DLG2: variants seen among roughly 807,000 people sequenced by gnomAD.
DLG2 encodes the protein disks large homolog 2.
In DLG2, 45 loss-of-function variants were observed where a neutral mutation model predicts 132.5. That is an observed-to-expected ratio of 0.34 (90% CI 0.27 to 0.44). The LOEUF is 0.44. Among genes scored for constraint, DLG2 ranks in the 20% least tolerant of loss-of-function variants. The pLI is 1.00. For synonymous variants in DLG2, 424 were observed against 419.6 expected, an observed-to-expected ratio of 1.01 and a Z score of -0.13; for missense variants, 1,045 against 1,196.9, an observed-to-expected ratio of 0.87 and a Z score of 1.87.
At chr11:83,783,248 T>C (rs982611628) in intron 18 of DLG2, among the ~76,000 whole-genome samples, 2 of 152,186 alleles carry the variant, frequency 1.3e-5, no homozygotes, top group Non-Finnish European at 2.9e-5. Context: ...AGGATGGATA[T>C]AGCAATGTGG....
At chr11:85,511,341 G>A (rs1310456819) in intron 3 of DLG2, among the ~76,000 whole-genome samples, 2 of 151,848 alleles carry the variant, frequency 1.3e-5, no homozygotes, top group Admixed American at 1.3e-4. Context: ...CCTGCATGTT[G>A]TGCACATGTA....
intron 6 of DLG2, among the ~76,000 whole-genome samples, chr11:84,964,394 C>T (rs2053032455): frequency 6.6e-6 from 1 of 152,002 alleles, no homozygotes; most frequent in African/African-American, 2.4e-5. Flanking sequence ...TACTCATAAA[C>T]AATATTACCA....
chr11:83,670,996 G>T (rs1247550741), intron 18 of DLG2, among the ~76,000 whole-genome samples: 1 of 152,096 alleles, frequency 6.6e-6, no homozygotes, highest in African/African-American at 2.4e-5. Flanking sequence ...ATGTATTTCT[G>T]TGTACACGTA....
At chr11:83,921,186 A>G (rs1172427566) in intron 15 of DLG2, among the ~76,000 whole-genome samples, 1 of 152,146 alleles carries the variant, frequency 6.6e-6, no homozygotes, top group Non-Finnish European at 1.5e-5. Flanking sequence ...TCTGCTGGGT[A>G]GGTAACAAGA....
chr11:84,877,922 C>T (rs2086651214), intron 6 of DLG2, among the ~76,000 whole-genome samples: 1 of 152,040 alleles, frequency 6.6e-6, no homozygotes, highest in African/African-American at 2.4e-5. Context: ...AGACACTTCT[C>T]AAAAGAAGAC....
Position 83,462,097 on chromosome 11 carries a change from G to C in DLG2, c.2730-4C>G. ...TGTTAGACGCTTATTCATCTCCCTG[G>C]GAAAATGAGGGTTTGTATTAGAACA... On this transcript the variant is annotated splice_region_variant and splice_polypyrimidine_tract_variant and intron_variant, in intron 26 of 27. Coordinates refer to ENST00000376104, the MANE Select transcript of DLG2 (RefSeq NM_001142699.3). 6.3e-7 allele frequency: 1 copy of C among 1,581,456 alleles called. No homozygotes were observed.
At chr11:84,011,385 C>T (rs926368193) in intron 11 of DLG2, among the ~76,000 whole-genome samples, 3 of 152,004 alleles carry the variant, frequency 2.0e-5, no homozygotes, top group African/African-American at 7.2e-5. Flanking sequence ...GCTGGAGGAT[C>T]ACTTGAGCCT....
intron 6 of DLG2, among the ~76,000 whole-genome samples, chr11:84,660,453 A>G (rs949020860): frequency 6.6e-6 from 1 of 152,160 alleles, no homozygotes; most frequent in Admixed American, 6.6e-5. Flanking sequence ...CTGCATCACC[A>G]TAATGGTGTG....
intron 6 of DLG2, among the ~76,000 whole-genome samples, chr11:85,017,729 T>C (rs779178209): frequency 6.6e-6 from 1 of 152,164 alleles, no homozygotes; most frequent in Non-Finnish European, 1.5e-5. Flanking sequence ...ACTGGAGATA[T>C]CAGTCAATAC....
At chr11:84,069,283 A>T (rs1382455273) in intron 10 of DLG2, among the ~76,000 whole-genome samples, 5 of 152,188 alleles carry the variant, frequency 3.3e-5, no homozygotes, top group African/African-American at 1.2e-4. Flanking sequence ...ATAAACAGAA[A>T]TACTCAATCT....
chr11:85,009,855 T>C (rs949636109), intron 6 of DLG2, among the ~76,000 whole-genome samples: 1 of 152,130 alleles, frequency 6.6e-6, no homozygotes, highest in African/African-American at 2.4e-5. Context: ...GCTTACCAGA[T>C]TCTGTCTTCC....
chr11:84,578,908 G>A (rs553932532), intron 6 of DLG2, among the ~76,000 whole-genome samples: 1 of 152,224 alleles, frequency 6.6e-6, no homozygotes, highest in African/African-American at 2.4e-5. Flanking sequence ...CCAGGGGGAG[G>A]TAATTGAATC....
intron 6 of DLG2, among the ~76,000 whole-genome samples, chr11:85,012,745 A>G (rs1465325008): frequency 6.6e-6 from 1 of 152,178 alleles, no homozygotes; most frequent in Admixed American, 6.5e-5. Context: ...ATAGGACTCC[A>G]TTTACTAAAA....
chr11:84,867,796 C>A (rs1444000251), intron 6 of DLG2, among the ~76,000 whole-genome samples: 1 of 152,114 alleles, frequency 6.6e-6, no homozygotes, highest in South Asian at 2.1e-4. Flanking sequence ...ATTATGGGGC[C>A]GGACGTGGTG....
chr11:84,378,014 C>T (rs1294492324), intron 7 of DLG2, among the ~76,000 whole-genome samples: 2 of 152,184 alleles, frequency 1.3e-5, no homozygotes, highest in African/African-American at 4.8e-5. Context: ...CATTCTATCA[C>T]TGAAAGGGCC....
intron 11 of DLG2, among the ~76,000 whole-genome samples, chr11:83,985,344 A>AT (rs1322699371): frequency 4.6e-5 from 7 of 150,978 alleles, no homozygotes; most frequent in Admixed American, 2.0e-4. Context: ...TTTTATTTTT[A>AT]TTTTTTTGCC....
At chr11:84,818,670 T>C (rs571215033) in intron 6 of DLG2, among the ~76,000 whole-genome samples, 3 of 152,054 alleles carry the variant, frequency 2.0e-5, no homozygotes, top group East Asian at 3.9e-4. Flanking sequence ...TGCCAAGTTA[T>C]AGAAAGCTCA....
intron 3 of DLG2, among the ~76,000 whole-genome samples, chr11:85,468,090 A>G (rs560944706): frequency 3.3e-5 from 5 of 151,948 alleles, no homozygotes; most frequent in African/African-American, 4.8e-5. Context: ...TTTCTAGTTT[A>G]TTTGTGTAGA....
intron 7 of DLG2, chr11:84,317,164 C>G (rs1319480164): frequency 4.4e-6 from 7 of 1,595,286 alleles, no homozygotes; most frequent in Non-Finnish European, 6.0e-6. Flanking sequence ...GATGCCTACT[C>G]TTTCCTTTGG....
Sources: allele counts gnomAD v4.1 joint callset (sites outside exome capture counted in the v4.1 genomes callset), GRCh38; gene constraint gnomAD v4.1.1; transcripts MANE v1.5; gene names NCBI Gene and HGNC (gene_info 2026-07-23, HGNC 2026-07-21).